Variants in KCNIP1 observed in about 807,000 individuals in gnomAD.
KCNIP1 encodes potassium voltage-gated channel interacting protein 1.
A neutral mutation model predicts 33.0 loss-of-function variants in KCNIP1; 18 were observed. That is an observed-to-expected ratio of 0.55 (90% CI 0.38 to 0.81). The LOEUF (loss-of-function observed/expected upper bound fraction) is 0.81, where lower values mean the gene tolerates loss of function less well. KCNIP1 is among the 30% of genes least tolerant of loss of function. The pLI is 0.00. For synonymous variants in KCNIP1, 93 were observed against 98.3 expected, an observed-to-expected ratio of 0.95 and a Z score of 0.32; for missense variants, 238 against 271.6, an observed-to-expected ratio of 0.88 and a Z score of 0.87.
intron 1 of KCNIP1, among the ~76,000 whole-genome samples, chr5:170,392,887 T>C (rs965591606): frequency 1.2e-4 from 18 of 152,076 alleles, no homozygotes; most frequent in Admixed American, 1.1e-3. Flanking sequence ...ATGGCACAAA[T>C]GGAATAGAAG....
intron 1 of KCNIP1, among the ~76,000 whole-genome samples, chr5:170,683,609 G>T (rs1434009040): frequency 6.6e-6 from 1 of 152,114 alleles, no homozygotes; most frequent in African/African-American, 2.4e-5. Context: ...CCTCCTAGTA[G>T]ATACACCAGG....
chr5:170,650,077 AG>A (rs1760980636), intron 1 of KCNIP1, among the ~76,000 whole-genome samples: 1 of 152,190 alleles, frequency 6.6e-6, no homozygotes, highest in African/African-American at 2.4e-5. Context: ...GGGAGAGAAA[AG>A]GGAATTTTAA....
chr5:170,605,280 C>T (rs1231480242), intron 1 of KCNIP1, among the ~76,000 whole-genome samples: 2 of 152,206 alleles, frequency 1.3e-5, no homozygotes, highest in Non-Finnish European at 2.9e-5. Context: ...CTGGGAACCC[C>T]TCTGGCCCTA....
At chr5:170,623,903 T>G (rs1054668159) in intron 1 of KCNIP1, among the ~76,000 whole-genome samples, 3 of 152,178 alleles carry the variant, frequency 2.0e-5, no homozygotes, top group Admixed American at 6.5e-5. Flanking sequence ...CAGCCACACC[T>G]GTGTCCCAGA....
intron 1 of KCNIP1, among the ~76,000 whole-genome samples, chr5:170,530,314 A>G (rs1755740916): frequency 6.6e-6 from 1 of 152,250 alleles, no homozygotes; most frequent in African/African-American, 2.4e-5. Flanking sequence ...AATAGTCAAC[A>G]TGTCAGGTAC....
chr5:170,378,262 G>C (rs1461436535), intron 1 of KCNIP1: 2 of 161,034 alleles, frequency 1.2e-5, no homozygotes, highest in East Asian at 1.8e-4. Context: ...TCTAGAAATG[G>C]GAGCTGCTGT....
At chr5:170,457,535 C>A (rs1041705946) in intron 1 of KCNIP1, among the ~76,000 whole-genome samples, 3 of 152,258 alleles carry the variant, frequency 2.0e-5, no homozygotes, top group African/African-American at 7.2e-5. Context: ...ACAGACAACC[C>A]CCAGTACCAG....
At chr5:170,590,350 G>A (rs1050068117) in intron 1 of KCNIP1, among the ~76,000 whole-genome samples, 5 of 152,150 alleles carry the variant, frequency 3.3e-5, no homozygotes, top group African/African-American at 1.2e-4. Flanking sequence ...AGGTCTGGGG[G>A]CCCCATGCTG....
chr5:170,384,029 G>T (rs1764365918), intron 1 of KCNIP1, among the ~76,000 whole-genome samples: 1 of 152,208 alleles, frequency 6.6e-6, no homozygotes, highest in Admixed American at 6.5e-5. Flanking sequence ...ACACAGGGAG[G>T]AATTGTAGAA....
chr5:170,453,788 G>T (rs1423404541), intron 1 of KCNIP1, among the ~76,000 whole-genome samples: 1 of 152,204 alleles, frequency 6.6e-6, no homozygotes, highest in East Asian at 1.9e-4. Flanking sequence ...GTGGCAAGGA[G>T]CTGTGGGAAG....
intron 7 of KCNIP1, among the ~76,000 whole-genome samples, chr5:170,734,751 G>A (rs536435171): frequency 6.6e-6 from 1 of 152,326 alleles, no homozygotes; most frequent in South Asian, 2.1e-4. Context: ...CCCCCATCAA[G>A]TTTCAAGCAC....
At chr5:170,357,528 C>CTTTA (rs138002320) in intron 1 of KCNIP1, among the ~76,000 whole-genome samples, 1 of 152,114 alleles carries the variant, frequency 6.6e-6, no homozygotes. Context: ...TACTGCATGA[C>CTTTA]TTTATTTATT....
chr5:170,561,342 A>G (rs1757028083), intron 1 of KCNIP1, among the ~76,000 whole-genome samples: 1 of 152,174 alleles, frequency 6.6e-6, no homozygotes. Context: ...AGCAACCGTG[A>G]CTGAAGAGTG....
intron 1 of KCNIP1, among the ~76,000 whole-genome samples, chr5:170,508,854 A>G (rs986180321): frequency 1.3e-5 from 2 of 151,958 alleles, no homozygotes; most frequent in Non-Finnish European, 2.9e-5. Flanking sequence ...TAAGGTGTAC[A>G]TTTTCTTATG....
chr5:170,584,190 T>C (rs1198971270), intron 1 of KCNIP1, among the ~76,000 whole-genome samples: 1 of 152,240 alleles, frequency 6.6e-6, no homozygotes, highest in East Asian at 1.9e-4. Flanking sequence ...CTATTAGTAA[T>C]GTCTGCCATG....
intron 1 of KCNIP1, among the ~76,000 whole-genome samples, chr5:170,496,932 T>C (rs922226014): frequency 2.0e-5 from 3 of 152,106 alleles, no homozygotes; most frequent in Non-Finnish European, 2.9e-5. Context: ...ACCCTCCTAG[T>C]CTGATCTAGA....
chr5:170,690,240 C>T (rs1762677650), intron 1 of KCNIP1, among the ~76,000 whole-genome samples: 1 of 152,302 alleles, frequency 6.6e-6, no homozygotes, highest in African/African-American at 2.4e-5. Context: ...AGGTTTCCAA[C>T]TTCAACAGCA....
chr5:170,730,588 T>C (rs1764161350), intron 5 of KCNIP1, among the ~76,000 whole-genome samples: 1 of 152,172 alleles, frequency 6.6e-6, no homozygotes, highest in Non-Finnish European at 1.5e-5. Context: ...GTGAAGGGCT[T>C]GTAAAGCACA....
intron 1 of KCNIP1, among the ~76,000 whole-genome samples, chr5:170,543,864 A>G (rs1312977464): frequency 6.6e-6 from 1 of 152,188 alleles, no homozygotes; most frequent in African/African-American, 2.4e-5. Context: ...TTTCCTCTTC[A>G]TCAATTTCCT....
Sources: gnomAD v4.1 joint callset for allele counts (sites outside exome capture counted in the v4.1 genomes callset) on GRCh38, gnomAD v4.1.1 for gene constraint, MANE v1.5 for transcripts, NCBI Gene and HGNC (gene_info 2026-07-23, HGNC 2026-07-21) for gene names.